Variants in CROCC observed in about 807,000 individuals in gnomAD.
CROCC encodes the protein rootletin.
In CROCC, 180 loss-of-function variants were observed where a neutral mutation model predicts 245.2. The observed-to-expected ratio is 0.73, with a 90% CI of 0.65 to 0.83. CROCC has a LOEUF of 0.83. CROCC is among the 40% of genes least tolerant of loss of function. CROCC has a pLI of 0.00. For synonymous variants in CROCC, 1,205 were observed against 1,241.6 expected, an observed-to-expected ratio of 0.97 and a Z score of 0.62; for missense variants, 2,688 against 2,779.4, an observed-to-expected ratio of 0.97 and a Z score of 0.74.
chr1:16,948,614 G>C, intron 18 of CROCC, 90 bp downstream of exon 18: 2 of 1,478,094 alleles, frequency 1.4e-6, no homozygotes, highest in East Asian at 2.4e-5. Context: ...GCCCCCAGGG[G>C]CAGTTACTAA....
chr1:16,963,244 G>A (rs969694611), intron 27 of CROCC, among the ~76,000 whole-genome samples: 21 of 151,808 alleles, frequency 1.4e-4, no homozygotes, highest in Non-Finnish European at 2.6e-4. Flanking sequence ...CAGTTCATGC[G>A]GGGGCAGCAG....
rs1455205623 is a variant in CROCC at position 16,955,524 on chromosome 1, G to A, written c.3678G>A (p.Val1226=). 2.6e-6 allele frequency: 4 copies of A among 1,561,838 alleles called. No homozygotes were observed. In the African/African-American group the frequency reaches 5.4e-5, roughly 21 times the overall value. ...RRSNEELRSA[V]KKAESERISL... ...CCAATGAGGAGCTTCGGTCTGCTGT[G>A]AAGAAGGCAGAGAGCGAGCGCATCA... Residue 1226 remains valine, a synonymous_variant, in exon 24 of 37, where the codon GTG becomes GTA. Coordinates refer to ENST00000375541, the MANE Select transcript of CROCC (RefSeq NM_014675.5).
chr1:16,965,123 A>T (rs1401163897), intron 27 of CROCC, among the ~76,000 whole-genome samples: 1 of 152,248 alleles, frequency 6.6e-6, no homozygotes, highest in African/African-American at 2.4e-5. Context: ...TCAACAGAAC[A>T]AGCAAATCAC....
At chr1:16,936,118 T>C (rs1366363907) in intron 8 of CROCC, among the ~76,000 whole-genome samples, 1 of 152,238 alleles carries the variant, frequency 6.6e-6, no homozygotes, top group Non-Finnish European at 1.5e-5. Flanking sequence ...GGGTTTTTTT[T>C]TTCTTCCTCT....
intron 35 of CROCC, among the ~76,000 whole-genome samples, chr1:16,971,210 A>AGTGTGTGTGTGT (rs34364208): frequency 2.8e-5 from 4 of 144,024 alleles, no homozygotes; most frequent in East Asian, 2.1e-4. Context: ...ATGATGTCTG[A>AGTGTGTGTGTGT]GTGTGTGTGT....
rs1570713172 is a variant in CROCC, at chr1:16,966,438, G to C, written c.4727G>C (p.Gly1576Ala). Residue 1576 changes from glycine (G) to alanine (A), a missense_variant, in exon 30 of 37, where the codon GGG becomes GCG. By Grantham distance (60) the Gly-to-Ala change is moderately conservative. Coordinates refer to ENST00000375541, the MANE Select transcript of CROCC (RefSeq NM_014675.5). This position sits in a 1 kb window ranked among gnomAD's most constrained non-coding sequence, Gnocchi z 4.8. ...ARRSVDGRLS[G>A]VQAELALQEE... ...CGCAGTGTGGATGGGCGGCTGAGCGGGGTCCAGGCGGAGCTGGCGCTGCAG... is the reference window on the plus strand; with the variant it reads ...CGCAGTGTGGATGGGCGGCTGAGCGCGGTCCAGGCGGAGCTGGCGCTGCAG... 1 of 1,537,614 alleles carries C rather than the reference G, an allele frequency of 6.5e-7. No homozygotes were observed. Among genetic ancestry groups the C allele is most frequent in the African/African-American group, 1.4e-5 (1 of 73,070 alleles).
chr1:16,941,240 C>T, intron 13 of CROCC: 1 of 153,152 alleles, frequency 6.5e-6, no homozygotes, highest in South Asian at 2.0e-4. Context: ...TGCTGGCCAA[C>T]ATGGTGAAAC....
intron 3 of CROCC, among the ~76,000 whole-genome samples, chr1:16,926,821 G>A (rs201119031): frequency 0.011 from 1,616 of 152,244 alleles, 26 homozygotes; most frequent in African/African-American, 0.038. Flanking sequence ...GCGGTCTGAG[G>A]GCAGCAGTTG....
At chr1:16,939,375 G>C (rs1466506144) in intron 12 of CROCC, among the ~76,000 whole-genome samples, 4 of 152,236 alleles carry the variant, frequency 2.6e-5, no homozygotes, top group Non-Finnish European at 5.9e-5. Flanking sequence ...GGGGTGCTTG[G>C]GCAGCTGGGG....
chr1:16,961,911 G>A (rs771717455), intron 27 of CROCC, among the ~76,000 whole-genome samples: 51 of 152,168 alleles, frequency 3.4e-4, no homozygotes, highest in Non-Finnish European at 6.0e-4. Context: ...GGGGCTGGAG[G>A]GCTCTTAATG....
rs1284255262 is a variant in CROCC, at chr1:16,954,501, C to T, written c.3321+144C>T. ...GAGGTTTAGCCCTTCTTTTGGGAGC[C>T]CCCATCTGAGGGAGGTGGCTCAGCC... is the stretch of plus-strand genomic sequence containing the variant. On this transcript the variant is annotated intron_variant, in intron 22 of 36. Coordinates refer to ENST00000375541, the MANE Select transcript of CROCC (RefSeq NM_014675.5). The surrounding 1 kb of genome is among the most constrained non-coding windows in gnomAD (Gnocchi z 4.4). 3.9e-6 allele frequency: 5 copies of T among 1,284,496 alleles called. No homozygotes were observed. Among genetic ancestry groups the T allele is most frequent in the Non-Finnish European group, 5.3e-6 (5 of 949,424 alleles). The allele number at this position is 1,284,496 out of a possible 1,614,324, so 79.6% of individuals were successfully genotyped here.
At chr1:16,958,777 G>A (rs759560414) in intron 26 of CROCC, 27 bp downstream of exon 26, 7 of 1,542,562 alleles carry the variant, frequency 4.5e-6, no homozygotes, top group African/African-American at 4.1e-5. Flanking sequence ...GCAGGCTGGT[G>A]CATCTTTCCT....
intron 1 of CROCC, among the ~76,000 whole-genome samples, chr1:16,915,380 C>A (rs2100279460): frequency 6.6e-6 from 1 of 152,410 alleles, no homozygotes; most frequent in East Asian, 1.9e-4. Flanking sequence ...GTGGAAGTGA[C>A]AGTGAGCTAA....
Position 16,972,512 on chromosome 1 carries a change from C to G in CROCC, c.*66C>G. 1 of 933,152 alleles carries G rather than the reference C, an allele frequency of 1.1e-6. No homozygotes were observed. Among genetic ancestry groups the G allele is most frequent in the Non-Finnish European group, 1.5e-6 (1 of 661,820 alleles). 57.8% of individuals were successfully genotyped at this position (933,152 alleles called of 1,614,324 possible). On this transcript the variant is annotated 3_prime_UTR_variant, in exon 37 of 37. Transcript: ENST00000375541. ...AGGGGAGGACCCTTCTTTTGGACAG[C>G]CCCCCCACCCAGAGCCCGGTCCCTT...
chr1:16,939,769 A>T, intron 12 of CROCC, 125 bp from the exon 13 acceptor site: 4 of 1,190,456 alleles, frequency 3.4e-6, no homozygotes, highest in Non-Finnish European at 4.8e-6. Flanking sequence ...ATCCTGCCCC[A>T]GGCCAGGTCC....
At chr1:16,947,695 C>G (rs1287125134) in intron 17 of CROCC, among the ~76,000 whole-genome samples, 4 of 152,220 alleles carry the variant, frequency 2.6e-5, no homozygotes, top group Non-Finnish European at 5.9e-5. Context: ...GTGCAGGTCT[C>G]CACCTTGAGG....
rs1046345910 is a variant in CROCC, at chr1:16,969,890, C to G, written c.5407C>G (p.Leu1803Val). 8.1e-6 allele frequency: 13 copies of G among 1,610,284 alleles called. No homozygotes were observed. The highest frequency in any genetic ancestry group is 1.1e-5 in the Non-Finnish European group (13 of 1,178,252). ...TLRGEVADLE[L>V]QRVEAEGQLQ... ...GCGAGGCGAGGTGGCTGACCTGGAACTGCAGCGGGTGGAGGCCGAGGGCCA... is the reference window on the plus strand; with the variant it reads ...GCGAGGCGAGGTGGCTGACCTGGAAGTGCAGCGGGTGGAGGCCGAGGGCCA... The change falls in exon 33 of 37, where the codon CTG (leucine) becomes GTG (valine). Residue 1803 changes from leucine (L) to valine (V), a missense_variant. Coordinates refer to ENST00000375541, the MANE Select transcript of CROCC (RefSeq NM_014675.5).
In CROCC at chr1:16,968,208, G is replaced by C. The variant is rs2076450616; in HGVS notation, c.4866G>C (p.Lys1622Asn). ...GAGCCCCATGCCACCTGCAGGAGAA[G>C]ATCAGCAAGATGAAGGCCAATGAGA... The part of the protein sequence containing the change: ...TESELRASQE[K>N]ISKMKANETK... Residue 1622 changes from lysine to asparagine, a missense_variant, in exon 31 of 37, where the codon AAG (lysine) becomes AAC (asparagine). Physicochemically the swap from Lys to Asn is moderately conservative, Grantham distance 94. Transcript: ENST00000375541. 1 of 1,562,198 alleles carries C rather than the reference G, an allele frequency of 6.4e-7. No individual in the cohort carries two copies. Among genetic ancestry groups the C allele is most frequent in the Non-Finnish European group, 8.7e-7 (1 of 1,154,578 alleles).
Position 16,968,416 on chromosome 1 carries a change from C to T in CROCC, c.5074C>T (p.Gln1692Ter). ...GGATCGGGTGGATTCCCTGCAGAGA[C>T]AGGTGGGCCCCTCCCCAAATCACAG... ...LQDRVDSLQR[Q>*]VADSEVKAGT... Residue 1692 changes from glutamine (Q) to a stop codon, truncating the protein, a stop_gained and splice_region_variant, in exon 31 of 37, where the codon CAG (glutamine) becomes TAG (stop). Transcript: ENST00000375541. LOFTEE classifies it high-confidence loss of function. The T allele has an allele frequency of 6.8e-7, 1 of 1,475,520 alleles. No homozygotes were observed. Among genetic ancestry groups the T allele is most frequent in the Non-Finnish European group, 9.0e-7 (1 of 1,113,282 alleles). The allele number at this position is 1,475,520 out of a possible 1,614,324, so 91.4% of individuals were successfully genotyped here.
Sources: gnomAD v4.1 joint callset for allele counts (sites outside exome capture counted in the v4.1 genomes callset) on GRCh38, gnomAD v4.1.1 for gene constraint, Gnocchi (gnomAD v3.1) non-coding constraint, MANE v1.5 for transcripts, NCBI Gene and HGNC (gene_info 2026-07-23, HGNC 2026-07-21) for gene names.